KCNN2: variants seen among roughly 807,000 people sequenced by gnomAD.
KCNN2 encodes the protein small conductance calcium-activated potassium channel protein 2.
A neutral mutation model predicts 55.5 loss-of-function variants in KCNN2; 24 were observed. The ratio of observed to expected loss-of-function variants is 0.43; its 90% CI spans 0.31 to 0.61. KCNN2 has a LOEUF of 0.61. KCNN2 is among the 20% of genes least tolerant of loss of function. The pLI is 0.08. For missense variants in KCNN2, 754 were observed against 853.6 expected, an observed-to-expected ratio of 0.88 and a Z score of 1.45; for synonymous variants, 431 against 336.1, an observed-to-expected ratio of 1.28 and a Z score of -3.09.
At chr5:114,463,025 C>T (rs1429092032) in intron 3 of KCNN2, 24 bp from the exon 4 acceptor site, 5 of 1,606,368 alleles carry the variant, frequency 3.1e-6, no homozygotes, top group South Asian at 2.2e-5. Flanking sequence ...TTATAAAGGA[C>T]TGGTTTTGTT....
intron 2 of KCNN2, among the ~76,000 whole-genome samples, chr5:114,368,106 G>A (rs1011416754): frequency 2.6e-5 from 4 of 151,894 alleles, no homozygotes; most frequent in Non-Finnish European, 5.9e-5. Flanking sequence ...TTCTGCATCA[G>A]CAAAAATACA....
intron 1 of KCNN2, among the ~76,000 whole-genome samples, chr5:114,200,201 CT>C (rs1185115203): frequency 1.3e-5 from 2 of 151,374 alleles, no homozygotes; most frequent in African/African-American, 4.8e-5. Context: ...TTTTAAAATA[CT>C]TTTTTTTTAT....
chr5:114,117,567 A>T (rs967812857), intron 1 of KCNN2, among the ~76,000 whole-genome samples: 1 of 152,164 alleles, frequency 6.6e-6, no homozygotes, highest in Non-Finnish European at 1.5e-5. Flanking sequence ...TGAGCCGTGG[A>T]TTGTCTGCAT....
At chr5:114,202,087 G>A (rs1753684219) in intron 1 of KCNN2, among the ~76,000 whole-genome samples, 1 of 152,114 alleles carries the variant, frequency 6.6e-6, no homozygotes, top group African/African-American at 2.4e-5. Context: ...TTCTCTTCCT[G>A]CCTCCGTGGA....
intron 2 of KCNN2, among the ~76,000 whole-genome samples, chr5:114,291,653 A>G (rs573519179): frequency 6.6e-6 from 1 of 152,196 alleles, no homozygotes; most frequent in Non-Finnish European, 1.5e-5. Context: ...ATAAACATAC[A>G]TGTGCATGTG....
At chr5:114,323,104 A>G (rs1250828353) in intron 2 of KCNN2, among the ~76,000 whole-genome samples, 3 of 152,174 alleles carry the variant, frequency 2.0e-5, no homozygotes, top group African/African-American at 7.2e-5. Flanking sequence ...TAAAATGCCT[A>G]TGCTTCTTTT....
intron 1 of KCNN2, among the ~76,000 whole-genome samples, chr5:114,190,705 A>G (rs1207894130): frequency 1.3e-5 from 2 of 152,122 alleles, no homozygotes; most frequent in Non-Finnish European, 2.9e-5. Flanking sequence ...TGAATTCTGG[A>G]TTATGTGTGC....
intron 3 of KCNN2, among the ~76,000 whole-genome samples, chr5:114,429,818 C>CTTTTTTTTTTTT (rs61595962): frequency 1.4e-5 from 1 of 71,244 alleles, no homozygotes; most frequent in Non-Finnish European, 2.5e-5. Context: ...TATATAGATG[C>CTTTTTTTTTTTT]TTTTTTTTTT....
intron 4 of KCNN2, among the ~76,000 whole-genome samples, chr5:114,472,577 T>G (rs1761796978): frequency 6.6e-6 from 1 of 152,094 alleles, no homozygotes; most frequent in African/African-American, 2.4e-5. Context: ...CTGAGATAAT[T>G]TATTGTTTTT....
chr5:114,488,653 G>A (rs528417721), intron 6 of KCNN2, among the ~76,000 whole-genome samples: 14 of 152,062 alleles, frequency 9.2e-5, no homozygotes, highest in East Asian at 7.7e-4. Flanking sequence ...CTGAGCTTTC[G>A]CCTCTGTGTT....
chr5:114,249,286 C>CTTTTTT (rs375457994), intron 2 of KCNN2, among the ~76,000 whole-genome samples: 1 of 101,490 alleles, frequency 9.9e-6, no homozygotes. Context: ...TTCTTTCTTT[C>CTTTTTT]TTTCTTTTTT....
intron 1 of KCNN2, among the ~76,000 whole-genome samples, chr5:114,194,497 T>G (rs1753511306): frequency 6.6e-6 from 1 of 152,090 alleles, no homozygotes; most frequent in Non-Finnish European, 1.5e-5. Context: ...TGTGTATCTT[T>G]TTTGGAGAAA....
At chr5:114,353,727 G>C (rs528527308) in intron 2 of KCNN2, among the ~76,000 whole-genome samples, 3 of 151,908 alleles carry the variant, frequency 2.0e-5, no homozygotes, top group Non-Finnish European at 4.4e-5. Context: ...TTAATTTACA[G>C]ATTTGTTTTT....
chr5:114,321,737 T>A (rs1350749564), intron 2 of KCNN2, among the ~76,000 whole-genome samples: 1 of 152,102 alleles, frequency 6.6e-6, no homozygotes, highest in African/African-American at 2.4e-5. Context: ...TGGCATGATC[T>A]CAGCTCACTG....
At chr5:114,090,890 C>T (rs1032964483) in intron 1 of KCNN2, among the ~76,000 whole-genome samples, 2 of 152,152 alleles carry the variant, frequency 1.3e-5, no homozygotes, top group African/African-American at 2.4e-5. Context: ...ACTCTGTTGC[C>T]CAGACTGGAC....
chr5:114,111,914 G>A (rs1490807074), intron 1 of KCNN2, among the ~76,000 whole-genome samples: 2 of 152,204 alleles, frequency 1.3e-5, no homozygotes, highest in Non-Finnish European at 2.9e-5. Flanking sequence ...GTGGAAGACA[G>A]TGTGGTGATT....
At chr5:114,058,526 GGTGGACCAC>G (rs1379424115) in intron 1 of KCNN2, among the ~76,000 whole-genome samples, 2 of 152,114 alleles carry the variant, frequency 1.3e-5, no homozygotes, top group African/African-American at 4.8e-5. Context: ...GAAAGTGTAT[GGTGGACCAC>G]GTATTAAGAT....
chr5:114,265,179 C>G (rs1040464241), intron 2 of KCNN2, among the ~76,000 whole-genome samples: 6 of 151,990 alleles, frequency 3.9e-5, no homozygotes, highest in Admixed American at 2.0e-4. Flanking sequence ...CCAAACTAGC[C>G]AATCATTTGT....
chr5:114,330,531 G>A (rs912627151), intron 2 of KCNN2, among the ~76,000 whole-genome samples: 2 of 151,920 alleles, frequency 1.3e-5, no homozygotes, highest in Non-Finnish European at 2.9e-5. Flanking sequence ...ATTTTTTGGG[G>A]GGGCTTATTT....
Sources: gnomAD v4.1 joint callset for allele counts (sites outside exome capture counted in the v4.1 genomes callset) on GRCh38, gnomAD v4.1.1 for gene constraint, MANE v1.5 for transcripts, NCBI Gene and HGNC (gene_info 2026-07-23, HGNC 2026-07-21) for gene names.